Variants in SHOC1 observed in about 807,000 individuals in gnomAD.
SHOC1 encodes the protein shortage in chiasmata 1, also known as protein shortage in chiasmata 1 ortholog.
SHOC1 carries 136 observed loss-of-function variants against 179.2 expected under a neutral mutation model. The observed-to-expected ratio is 0.76, with a 90% confidence interval of 0.66 to 0.87. SHOC1 has a LOEUF of 0.87. Among genes scored for constraint, SHOC1 ranks in the 40% least tolerant of loss-of-function variants. The pLI, the probability that SHOC1 is intolerant of heterozygous loss-of-function variation, is 0.00. For missense variants in SHOC1, 1,538 were observed against 1,700.8 expected (o/e 0.90, Z 1.68); for synonymous variants, 489 against 586.6 (o/e 0.83, Z 2.41).
intron 12 of SHOC1, among the ~76,000 whole-genome samples, chr9:111,734,749 T>C (rs952820511): frequency 6.6e-6 from 1 of 152,222 alleles, no homozygotes; most frequent in South Asian, 2.1e-4. Flanking sequence ...CATATATTTA[T>C]CCCAAGGAGC....
At chr9:111,749,330 G>A (rs554186457) in intron 8 of SHOC1, among the ~76,000 whole-genome samples, 1 of 152,096 alleles carries the variant, frequency 6.6e-6, no homozygotes, top group African/African-American at 2.4e-5. Context: ...TCTAAGAATT[G>A]ATCTCTCTTT....
chr9:111,738,068 A>G (rs1233495393), intron 12 of SHOC1: 1 of 460,508 alleles, frequency 2.2e-6, no homozygotes, highest in Non-Finnish European at 3.8e-6. Context: ...TTAGGACATA[A>G]CAAGATTTTA....
intron 5 of SHOC1, among the ~76,000 whole-genome samples, chr9:111,760,501 A>T (rs1228700086): frequency 1.3e-5 from 2 of 152,178 alleles, no homozygotes; most frequent in Non-Finnish European, 2.9e-5. Context: ...GTCTACTAAT[A>T]TGAAAGAAGA....
chr9:111,691,716 C>T lies in SHOC1; in HGVS notation c.4261G>A (p.Glu1421Lys). 2 of 1,613,982 alleles carry T rather than the reference C, an allele frequency of 1.2e-6. No homozygotes were observed. The highest frequency in any genetic ancestry group is 1.7e-6 in the Non-Finnish European group (2 of 1,179,936). Reference protein sequence around the residue: ...ESSKDETFWRELPSVPSLDLF... With the variant: ...ESSKDETFWRKLPSVPSLDLF... ...TCCAAACTGGGGACAGATGGTAATTCTCTCCAGAAAGTCTCATCTTTTGAA... is the reference window on the plus strand; with the variant it reads ...TCCAAACTGGGGACAGATGGTAATTTTCTCCAGAAAGTCTCATCTTTTGAA... The change falls in exon 27 of 28, where the codon GAA (glutamate) becomes AAA (lysine). Residue 1421 changes from glutamate to lysine, a missense_variant. Coordinates refer to ENST00000682961, the MANE Select transcript of SHOC1 (RefSeq NM_001378211.1).
chr9:111,777,470 G>A (rs763490193), intron 4 of SHOC1, among the ~76,000 whole-genome samples: 1 of 152,156 alleles, frequency 6.6e-6, no homozygotes, highest in African/African-American at 2.4e-5. Flanking sequence ...TTAAAGGTTC[G>A]AGGCAGGATG....
rs1043623402 is a variant in SHOC1, at chr9:111,701,215, A to C, written c.3089+890T>G. Among the ~76,000 whole-genome samples the C allele has an allele frequency of 2.5e-4, 38 of 152,132 alleles. 1 individual carries two copies. Among genetic ancestry groups the C allele is most frequent in the Non-Finnish European group, 7.4e-5 (5 of 68,024 alleles). ...GCATGAACACTAACATAATTCAAAC[A>C]ATTTCTTTTGTATTTTCAGTTTTCC... On this transcript the variant is annotated intron_variant, in intron 23 of 27. Coordinates refer to ENST00000682961, the MANE Select transcript of SHOC1 (RefSeq NM_001378211.1).
intron 4 of SHOC1, among the ~76,000 whole-genome samples, chr9:111,779,844 C>T (rs1268212876): frequency 6.6e-6 from 1 of 152,138 alleles, no homozygotes; most frequent in Non-Finnish European, 1.5e-5. Context: ...AGCACTGATC[C>T]ATCATCATCA....
intron 12 of SHOC1, among the ~76,000 whole-genome samples, chr9:111,730,841 T>C (rs1370426158): frequency 6.6e-6 from 1 of 152,244 alleles, no homozygotes; most frequent in Non-Finnish European, 1.5e-5. Context: ...ATAAAAGTCC[T>C]AGATAACACT....
In SHOC1 at chr9:111,692,128, G is replaced by C. The variant is rs1284041728; in HGVS notation, c.3849C>G (p.Ser1283=). 6.2e-7 allele frequency: 1 copy of C among 1,613,712 alleles called. No individual in the cohort carries two copies. The highest frequency in any genetic ancestry group is 1.1e-5 in the South Asian group (1 of 91,032). Residue 1283 remains serine, a synonymous_variant, in exon 27 of 28, where the codon TCC becomes TCG. Transcript: ENST00000682961. ...NIESRRPAYN[S]FLNHSDSESD... is the part of the protein sequence containing the mutation. The stretch of plus-strand genomic sequence containing the variant: ...ACTCTGAATCACTGTGGTTTAGAAA[G>C]GAGTTATAAGCCGGTCTCCTTGATT...
intron 16 of SHOC1, among the ~76,000 whole-genome samples, chr9:111,716,415 A>C (rs1474043074): frequency 6.2e-5 from 3 of 48,526 alleles, no homozygotes; most frequent in Non-Finnish European, 1.2e-4. Context: ...TTTGAGACGG[A>C]GTTTCACTCT....
At chr9:111,699,073 A>G (rs1293869307) in intron 24 of SHOC1, among the ~76,000 whole-genome samples, 1 of 152,150 alleles carries the variant, frequency 6.6e-6, no homozygotes, top group Non-Finnish European at 1.5e-5. Context: ...TCACAGCTGT[A>G]TTTCGGAAAT....
At chr9:111,773,878 A>G (rs1279050650) in intron 5 of SHOC1, among the ~76,000 whole-genome samples, 1 of 152,176 alleles carries the variant, frequency 6.6e-6, no homozygotes, top group Admixed American at 6.5e-5. Context: ...ATCCCCAAAT[A>G]TACTATGTTC....
At chr9:111,699,837 C>A in intron 24 of SHOC1, 117 bp downstream of exon 24, 4 of 564,570 alleles carry the variant, frequency 7.1e-6, no homozygotes, top group South Asian at 3.0e-5. Flanking sequence ...CTTTATTTAG[C>A]TTTTAAACAG....
chr9:111,705,185 A>ACACACT, intron 21 of SHOC1, 62 bp downstream of exon 21: 1 of 663,330 alleles, frequency 1.5e-6, no homozygotes, highest in South Asian at 2.7e-5. Context: ...ACACACACAC[A>ACACACT]CACACACACA....
At chr9:111,706,888 T>C (rs1320303998) in intron 19 of SHOC1, 142 bp from the exon 20 acceptor site, 1 of 486,768 alleles carries the variant, frequency 2.1e-6, no homozygotes, top group East Asian at 3.2e-5. Context: ...GCGTTTTCTG[T>C]TGATTTGCTC....
intron 2 of SHOC1, among the ~76,000 whole-genome samples, chr9:111,787,945 C>G (rs10114682): frequency 2.9e-4 from 44 of 151,836 alleles, no homozygotes; most frequent in Non-Finnish European, 2.2e-4. Flanking sequence ...ACTAAAGACT[C>G]GGGTAATTAT....
chr9:111,779,173 G>C (rs1174723201), intron 4 of SHOC1, among the ~76,000 whole-genome samples: 1 of 150,020 alleles, frequency 6.7e-6, no homozygotes, highest in Non-Finnish European at 1.5e-5. Flanking sequence ...GATAAACCCT[G>C]AAAACATTAT....
At chr9:111,716,181 T>A (rs1168450885) in intron 16 of SHOC1, among the ~76,000 whole-genome samples, 1 of 152,112 alleles carries the variant, frequency 6.6e-6, no homozygotes, top group Non-Finnish European at 1.5e-5. Context: ...ATCTTACTTT[T>A]ATGGTATTCC....
At chr9:111,782,952 A>G (rs533420296) in intron 3 of SHOC1, among the ~76,000 whole-genome samples, 6 of 152,304 alleles carry the variant, frequency 3.9e-5, no homozygotes, top group African/African-American at 1.2e-4. Flanking sequence ...CTATCTACAC[A>G]GGGGAAGAAT....
Sources: allele counts gnomAD v4.1 joint callset (sites outside exome capture counted in the v4.1 genomes callset), GRCh38; gene constraint gnomAD v4.1.1; transcripts MANE v1.5; gene names NCBI Gene and HGNC (gene_info 2026-07-23, HGNC 2026-07-21).